The following LRP1B variants were observed in gnomAD, a reference collection of about 807,000 sequenced individuals.
The protein encoded by LRP1B is LDL receptor related protein 1B.
Under a neutral mutation model 556.6 loss-of-function variants are expected in LRP1B, and 217 were observed. That is an observed-to-expected ratio of 0.39 (90% CI 0.35 to 0.44). The LOEUF (loss-of-function observed/expected upper bound fraction) is 0.44, where lower values mean the gene tolerates loss of function less well. Ranked by LOEUF, LRP1B falls within the 20% of genes least tolerant of loss-of-function variation. The pLI is 1.00. For missense variants in LRP1B, 5,053 were observed against 5,620.8 expected (o/e 0.90, Z 3.23); for synonymous variants, 2,047 against 1,865.8 (o/e 1.10, Z -2.50).
chr2:141,778,626 G>A lies in LRP1B; in HGVS notation c.205+31653C>T, dbSNP rs527640433. ...GACTGCATTTTCCACCATGGTGTGTGTAATACGTTTCAAAACAAATGTATG... is the reference window on the plus strand; with the variant it reads ...GACTGCATTTTCCACCATGGTGTGTATAATACGTTTCAAAACAAATGTATG... On this transcript the variant is annotated intron_variant, in intron 2 of 90. Transcript: ENST00000389484. Among the ~76,000 whole-genome samples the A allele has an allele frequency of 2.6e-4, 40 of 152,296 alleles. No homozygotes were observed. In the East Asian group the frequency reaches 3.3e-3, roughly 13 times the overall value.
At chr2:141,408,991 T>C (rs1259537517) in intron 3 of LRP1B, among the ~76,000 whole-genome samples, 2 of 152,166 alleles carry the variant, frequency 1.3e-5, no homozygotes, top group Non-Finnish European at 2.9e-5. Flanking sequence ...TTTCTCTACA[T>C]TGGCTTCTGT....
chr2:141,174,409 G>A (rs939018107), intron 7 of LRP1B, among the ~76,000 whole-genome samples: 2 of 152,070 alleles, frequency 1.3e-5, no homozygotes, highest in African/African-American at 2.4e-5. Flanking sequence ...CTACATGTCA[G>A]GGGAGGGGCC....
chr2:140,985,692 C>G (rs980842571), intron 17 of LRP1B, among the ~76,000 whole-genome samples: 24 of 151,866 alleles, frequency 1.6e-4, no homozygotes, highest in African/African-American at 5.3e-4. Flanking sequence ...AACCCTTTCT[C>G]TTATTATTCA....
At chr2:141,081,957 A>T (rs192811190) in intron 7 of LRP1B, among the ~76,000 whole-genome samples, 83 of 152,312 alleles carry the variant, frequency 5.4e-4, no homozygotes, top group Admixed American at 2.9e-3. Context: ...TTACCAATAG[A>T]TACAGTATTG....
At chr2:140,776,863 C>G (rs948350628) in intron 32 of LRP1B, among the ~76,000 whole-genome samples, 1 of 131,198 alleles carries the variant, frequency 7.6e-6, no homozygotes, top group Non-Finnish European at 1.6e-5. Context: ...TACAGTGTGC[C>G]ACAGATAAAA....
At chr2:141,301,952 C>T (rs963665142) in intron 3 of LRP1B, among the ~76,000 whole-genome samples, 1 of 152,110 alleles carries the variant, frequency 6.6e-6, no homozygotes. Flanking sequence ...AGTCCCTTAG[C>T]TTGTGCTAAT....
chr2:140,907,748 G>C (rs1018829017), intron 22 of LRP1B, 129 bp downstream of exon 22: 1 of 820,076 alleles, frequency 1.2e-6, no homozygotes, highest in Non-Finnish European at 2.0e-6. Context: ...TGTAGACAAG[G>C]TTCAATGCTA....
intron 41 of LRP1B, among the ~76,000 whole-genome samples, chr2:140,642,542 C>G (rs1325768009): frequency 6.6e-6 from 1 of 152,004 alleles, no homozygotes; most frequent in Non-Finnish European, 1.5e-5. Context: ...GTACACCTCA[C>G]ATAGGAAGGG....
chr2:140,962,305 G>C (rs1696061327), intron 18 of LRP1B, among the ~76,000 whole-genome samples: 1 of 152,094 alleles, frequency 6.6e-6, no homozygotes, highest in Non-Finnish European at 1.5e-5. Context: ...TATCCCCCAT[G>C]CAACCTTCTA....
chr2:141,547,529 G>T (rs1685597174), intron 2 of LRP1B, among the ~76,000 whole-genome samples: 2 of 152,100 alleles, frequency 1.3e-5, no homozygotes, highest in African/African-American at 2.4e-5. Flanking sequence ...TTACAAGCTG[G>T]TCTAAGGTAC....
At chr2:141,832,748 C>T (rs576009641) in intron 1 of LRP1B, among the ~76,000 whole-genome samples, 2 of 151,778 alleles carry the variant, frequency 1.3e-5, no homozygotes, top group Middle Eastern at 3.4e-3. Flanking sequence ...TCCATGAAAC[C>T]AAGTCAACCT....
intron 47 of LRP1B, among the ~76,000 whole-genome samples, chr2:140,526,989 C>T (rs1221511855): frequency 6.6e-6 from 1 of 151,602 alleles, no homozygotes; most frequent in Non-Finnish European, 1.5e-5. Context: ...ATGGCCATAT[C>T]ATCATTAATA....
At chr2:142,125,532 A>G (rs1208735441) in intron 1 of LRP1B, among the ~76,000 whole-genome samples, 1 of 151,872 alleles carries the variant, frequency 6.6e-6, no homozygotes, top group Non-Finnish European at 1.5e-5. Context: ...ATTTTTAGAG[A>G]TATTTTCATT....
intron 18 of LRP1B, among the ~76,000 whole-genome samples, chr2:140,967,099 T>C (rs1025587729): frequency 1.3e-5 from 2 of 152,186 alleles, no homozygotes; most frequent in Admixed American, 6.5e-5. Context: ...GGTAGCTTGA[T>C]GGGGATGGCA....
intron 1 of LRP1B, among the ~76,000 whole-genome samples, chr2:141,843,057 CT>C (rs1275073675): frequency 6.6e-6 from 1 of 151,876 alleles, no homozygotes; most frequent in Non-Finnish European, 1.5e-5. Flanking sequence ...ACCTAGAGAC[CT>C]TTTAGTAGTT....
At chr2:141,248,273 C>T (rs1684140338) in intron 4 of LRP1B, among the ~76,000 whole-genome samples, 1 of 152,118 alleles carries the variant, frequency 6.6e-6, no homozygotes, top group African/African-American at 2.4e-5. Flanking sequence ...ATGTACGAAG[C>T]ACTGTACTGA....
At chr2:140,775,283 G>A (rs1267441739) in intron 33 of LRP1B, among the ~76,000 whole-genome samples, 2 of 151,534 alleles carry the variant, frequency 1.3e-5, no homozygotes, top group Admixed American at 6.6e-5. Context: ...AATCCCCTTG[G>A]TTTTCTATTA....
At chr2:141,055,392 G>A in intron 9 of LRP1B, 133 bp from the exon 10 acceptor site, 1 of 782,344 alleles carries the variant, frequency 1.3e-6, no homozygotes, top group Non-Finnish European at 2.0e-6. Context: ...CAACTATTTA[G>A]CACCATAATC....
At chr2:141,933,699 A>T (rs1162458978) in intron 1 of LRP1B, among the ~76,000 whole-genome samples, 1 of 152,186 alleles carries the variant, frequency 6.6e-6, no homozygotes, top group Non-Finnish European at 1.5e-5. Flanking sequence ...TTAAAAACAA[A>T]AATTTTAAAG....
Sources: allele counts gnomAD v4.1 joint callset (sites outside exome capture counted in the v4.1 genomes callset), GRCh38; gene constraint gnomAD v4.1.1; transcripts MANE v1.5; gene names NCBI Gene and HGNC (gene_info 2026-07-23, HGNC 2026-07-21).